Variants in KCNC2 observed in about 807,000 individuals in gnomAD.
The protein encoded by KCNC2 is voltage-gated potassium channel KCNC2.
KCNC2 carries 21 observed loss-of-function variants against 44.5 expected under a neutral mutation model. That is an observed-to-expected ratio of 0.47 (90% CI 0.33 to 0.68). The LOEUF is 0.68. KCNC2 is among the 30% of genes least tolerant of loss of function. KCNC2 has a pLI of 0.01. For synonymous variants in KCNC2, 391 were observed against 339.1 expected (o/e 1.15, Z -1.68); for missense variants, 589 against 826.2 (o/e 0.71, Z 3.52).
chr12:75,051,050 C>A lies in KCNC2; in HGVS notation c.955G>T (p.Asp319Tyr). The A allele has an allele frequency of 6.2e-7, 1 of 1,613,706 alleles. No individual in the cohort carries two copies. The highest frequency in any genetic ancestry group is 8.5e-7 in the Non-Finnish European group (1 of 1,179,842). ...EFIKNLLNII[D>Y]FVAILPFYLE... ...TAGAAAGGTAGGATGGCCACAAAGT[C>A]AATGATATTCAAGAGATTTTTGATG... The change falls in exon 3 of 5, where the codon GAC becomes TAC. Residue 319 changes from aspartate to tyrosine, a missense_variant. Transcript: ENST00000549446.
intron 2 of KCNC2, among the ~76,000 whole-genome samples, chr12:75,109,053 C>T (rs1228848895): frequency 6.6e-6 from 1 of 152,104 alleles, no homozygotes; most frequent in Non-Finnish European, 1.5e-5. Flanking sequence ...TTTCCTAATG[C>T]AACAGTGGGC....
chr12:75,199,165 A>C (rs1216842371), intron 2 of KCNC2, among the ~76,000 whole-genome samples: 2 of 151,820 alleles, frequency 1.3e-5, no homozygotes, highest in Non-Finnish European at 3.0e-5. Context: ...ATTACAGAAA[A>C]AACTGTCAAG....
chr12:75,181,294 C>A (rs1218196406), intron 2 of KCNC2, among the ~76,000 whole-genome samples: 1 of 152,108 alleles, frequency 6.6e-6, no homozygotes, highest in African/African-American at 2.4e-5. Flanking sequence ...TGCTTTCCAA[C>A]TTCTAATATT....
intron 2 of KCNC2, among the ~76,000 whole-genome samples, chr12:75,144,668 A>G (rs1236022893): frequency 6.6e-6 from 1 of 152,058 alleles, no homozygotes; most frequent in Non-Finnish European, 1.5e-5. Flanking sequence ...AACACACCAA[A>G]AACACATTCC....
intron 2 of KCNC2, among the ~76,000 whole-genome samples, chr12:75,176,051 G>A (rs1390410443): frequency 6.6e-6 from 1 of 152,012 alleles, no homozygotes; most frequent in African/African-American, 2.4e-5. Flanking sequence ...AGTAGAATTT[G>A]ACAGATGAAA....
intron 2 of KCNC2, among the ~76,000 whole-genome samples, chr12:75,084,298 A>AGATAGATAGATAGATAGAT (rs1565840463): frequency 3.5e-5 from 5 of 144,200 alleles, no homozygotes; most frequent in African/African-American, 1.3e-4. Context: ...GATGATAGAT[A>AGATAGATAGATAGATAGAT]GATAGATAGA....
chr12:75,122,475 C>T (rs1428222696), intron 2 of KCNC2, among the ~76,000 whole-genome samples: 1 of 152,150 alleles, frequency 6.6e-6, no homozygotes. Flanking sequence ...CCTAACTCTT[C>T]CCATCTATGA....
chr12:75,140,944 A>G (rs1383531100), intron 2 of KCNC2, among the ~76,000 whole-genome samples: 1 of 152,034 alleles, frequency 6.6e-6, no homozygotes, highest in Non-Finnish European at 1.5e-5. Context: ...CATCTCTTCC[A>G]TTAGCACCAT....
intron 2 of KCNC2, among the ~76,000 whole-genome samples, chr12:75,117,955 T>C (rs958564551): frequency 1.7e-4 from 26 of 152,180 alleles, no homozygotes; most frequent in African/African-American, 6.0e-4. Flanking sequence ...TCAGTCATCC[T>C]GCATAGTAAT....
At chr12:75,109,955 A>C (rs1286575972) in intron 2 of KCNC2, among the ~76,000 whole-genome samples, 1 of 151,958 alleles carries the variant, frequency 6.6e-6, no homozygotes, top group Non-Finnish European at 1.5e-5. Flanking sequence ...GAATTGGCAA[A>C]AATCAATGGA....
At chr12:75,199,108 A>G (rs930494033) in intron 2 of KCNC2, among the ~76,000 whole-genome samples, 1 of 151,854 alleles carries the variant, frequency 6.6e-6, no homozygotes, top group Non-Finnish European at 1.5e-5. Context: ...TAGGTCTCTC[A>G]TCATAGAGAC....
intron 2 of KCNC2, among the ~76,000 whole-genome samples, chr12:75,127,166 C>G (rs1048516082): frequency 2.6e-5 from 4 of 152,162 alleles, no homozygotes; most frequent in Non-Finnish European, 4.4e-5. Flanking sequence ...AATCTCTGTA[C>G]TGTTGCAAAA....
chr12:75,110,240 C>T (rs1181385482), intron 2 of KCNC2, among the ~76,000 whole-genome samples: 4 of 152,112 alleles, frequency 2.6e-5, no homozygotes, highest in African/African-American at 7.2e-5. Flanking sequence ...ATTTTATATG[C>T]ATCCTGGTAA....
chr12:75,102,090 T>C (rs893770318), intron 2 of KCNC2, among the ~76,000 whole-genome samples: 1 of 152,108 alleles, frequency 6.6e-6, no homozygotes, highest in African/African-American at 2.4e-5. Context: ...CACAGGATTA[T>C]TTCATCAGTG....
intron 2 of KCNC2, among the ~76,000 whole-genome samples, chr12:75,101,906 A>G (rs1232736721): frequency 6.6e-6 from 1 of 152,092 alleles, no homozygotes; most frequent in African/African-American, 2.4e-5. Flanking sequence ...CCAAATCATC[A>G]AGTTCAAACT....
intron 2 of KCNC2, among the ~76,000 whole-genome samples, chr12:75,167,781 CA>C (rs1283954746): frequency 6.6e-6 from 1 of 151,122 alleles, no homozygotes; most frequent in Non-Finnish European, 1.5e-5. Flanking sequence ...TTATTATTTG[CA>C]TTTTTTTTCT....
chr12:75,080,802 G>C (rs1439603040), intron 2 of KCNC2, among the ~76,000 whole-genome samples: 2 of 151,892 alleles, frequency 1.3e-5, no homozygotes, highest in Admixed American at 1.3e-4. Context: ...ATTCACATGT[G>C]CATGTGCCGT....
At chr12:75,182,220 T>C (rs1892631635) in intron 2 of KCNC2, among the ~76,000 whole-genome samples, 2 of 151,884 alleles carry the variant, frequency 1.3e-5, no homozygotes. Context: ...ATACCCTGCT[T>C]GTCACTTAGA....
chr12:75,045,374 A>G (rs1880369831), intron 4 of KCNC2, among the ~76,000 whole-genome samples: 1 of 151,934 alleles, frequency 6.6e-6, no homozygotes, highest in Non-Finnish European at 1.5e-5. Context: ...TATTCTGTTT[A>G]TGGGTCCTAT....
Sources: allele counts gnomAD v4.1 joint callset (sites outside exome capture counted in the v4.1 genomes callset), GRCh38; gene constraint gnomAD v4.1.1; transcripts MANE v1.5; gene names NCBI Gene and HGNC (gene_info 2026-07-23, HGNC 2026-07-21).